ID4: variants seen among roughly 807,000 people sequenced by gnomAD.
ID4 encodes DNA-binding protein inhibitor ID-4.
Under a neutral mutation model 8.6 loss-of-function variants are expected in ID4, and 9 were observed. That is an observed-to-expected ratio of 1.04 (90% confidence interval 0.63 to 1.82). ID4 has a LOEUF of 1.82. Among genes scored for constraint, ID4 ranks in the 40% most tolerant of loss-of-function variants. The pLI is 0.00. For synonymous variants in ID4, 180 were observed against 118.0 expected (o/e 1.53, Z -3.41); for missense variants, 270 against 235.1 (o/e 1.15, Z -0.97).
At position 19,838,576 on chromosome 6, in the gene ID4, T is replaced by C. The variant is rs1761282490; in HGVS notation, c.442-8T>C. ...AACCTTTCCCTTGGTGTTCGGTTGCTGTTCCAGGCCGGCGCGGTGAACAAG... is the reference window on the plus strand; with the variant it reads ...AACCTTTCCCTTGGTGTTCGGTTGCCGTTCCAGGCCGGCGCGGTGAACAAG... On this transcript the variant is annotated splice_region_variant and splice_polypyrimidine_tract_variant and intron_variant, in intron 1 of 2. Transcript: ENST00000378700. 5.6e-6 allele frequency: 9 copies of C among 1,613,976 alleles called. No individual in the cohort carries two copies. The highest frequency in any genetic ancestry group is 6.8e-6 in the Non-Finnish European group (8 of 1,179,872).
chr6:19,838,535 G>A (rs757719263), intron 1 of ID4, 49 bp from the exon 2 acceptor site: 1 of 1,613,160 alleles, frequency 6.2e-7, no homozygotes, highest in East Asian at 2.2e-5. Context: ...TGTCGAGCGC[G>A]TTGTTTGCGC....
rs897476628 is a variant in ID4, at chr6:19,840,373, G to GAA, written c.*1184_*1185dup. ...TACAGATTATTTAAATCATGGAAAT[G>GAA]AAAAAAATGTTCTCTGCTTGCTACC... On this transcript the variant is annotated 3_prime_UTR_variant, in exon 3 of 3. Coordinates refer to ENST00000378700, the MANE Select transcript of ID4 (RefSeq NM_001546.4). 6 of 152,332 alleles carry GAA rather than the reference G, an allele frequency of 3.9e-5. No homozygotes were observed. Among genetic ancestry groups the GAA allele is most frequent in the African/African-American group, 1.4e-4 (6 of 41,384 alleles). 9.4% of individuals were successfully genotyped at this position (152,332 alleles called of 1,614,324 possible). A position where few individuals can be genotyped will look rare whatever the true frequency, so the allele number is the denominator to read the frequency against.
rs1761320465 is a variant in ID4 at position 19,839,799 on chromosome 6, T to C, written c.*604T>C. On this transcript the variant is annotated 3_prime_UTR_variant, in exon 3 of 3. Coordinates refer to ENST00000378700, the MANE Select transcript of ID4 (RefSeq NM_001546.4). ...TAATAGATACTGTAATTATAAGATA[T>C]TTTTAATTAAATATTTTTTTGTAAA... 6.6e-6 allele frequency: 1 copy of C among 152,292 alleles called. No homozygotes were observed. Among genetic ancestry groups the C allele is most frequent in the Non-Finnish European group, 1.5e-5 (1 of 68,000 alleles). The allele number at this position is 152,292 out of a possible 1,614,324, so 9.4% of individuals were successfully genotyped here.
intron 1 of ID4, 53 bp from the exon 2 acceptor site, chr6:19,838,531 G>A (rs1761280754): frequency 6.2e-7 from 1 of 1,611,998 alleles, no homozygotes; most frequent in East Asian, 2.2e-5. Flanking sequence ...ACCGTGTCGA[G>A]CGCGTTGTTT....
chr6:19,839,402 C>G lies in ID4; in HGVS notation c.*207C>G, dbSNP rs2113466467. 6.5e-6 allele frequency: 1 copy of G among 152,760 alleles called. No individual in the cohort carries two copies. Among genetic ancestry groups the G allele is most frequent in the South Asian group, 2.1e-4 (1 of 4,818 alleles). The allele number at this position is 152,760 out of a possible 1,614,324, so 9.5% of individuals were successfully genotyped here. On this transcript the variant is annotated 3_prime_UTR_variant, in exon 3 of 3. Transcript: ENST00000378700. ...CTTTCTTTGCACGTTCATAAACATT[C>G]TACATACGTATTCTCTTTTGTCTCT...
At position 19,839,617 on chromosome 6, in the gene ID4, T is replaced by C. The variant is rs1035072099; in HGVS notation, c.*422T>C. 1 of 88,854 alleles carries C rather than the reference T, an allele frequency of 1.1e-5. No individual in the cohort carries two copies. Among genetic ancestry groups the C allele is most frequent in the East Asian group, 3.9e-4 (1 of 2,574 alleles). 5.5% of individuals were successfully genotyped at this position (88,854 alleles called of 1,614,324 possible). The stretch of plus-strand genomic sequence containing the variant: ...CTAATCTACCAGAGCATTGTAGATA[T>C]TTTTTTTTTACATCTATTGTTTAAA... On this transcript the variant is annotated 3_prime_UTR_variant, in exon 3 of 3. Transcript: ENST00000378700.
chr6:19,838,488 G>A, intron 1 of ID4, 96 bp from the exon 2 acceptor site: 2 of 1,537,052 alleles, frequency 1.3e-6, no homozygotes, highest in Non-Finnish European at 1.8e-6. Context: ...GGGGGCGTCG[G>A]CGCGCCAGCC....
rs1761241326 is a variant in ID4, at chr6:19,837,512, C to T, written c.-243C>T. The T allele has an allele frequency of 1.1e-5, 2 of 176,654 alleles. No individual in the cohort carries two copies. Among genetic ancestry groups the T allele is most frequent in the Non-Finnish European group, 2.2e-5 (2 of 89,780 alleles). The allele number at this position is 176,654 out of a possible 1,614,324, so 10.9% of individuals were successfully genotyped here. ...ACACCCGGGTGGGCTACTTTTCTTC[C>T]GGTGCTTTTGCTTTTTTTTTCCTTT... On this transcript the variant is annotated 5_prime_UTR_variant, in exon 1 of 3. Transcript: ENST00000378700.
In ID4 at chr6:19,838,165, G is replaced by A; in HGVS notation, c.411G>A (p.Arg137=). The A allele has an allele frequency of 1.3e-6, 2 of 1,505,022 alleles. No individual in the cohort carries two copies. Among genetic ancestry groups the A allele is most frequent in the Non-Finnish European group, 8.9e-7 (1 of 1,126,440 alleles). The allele number at this position is 1,505,022 out of a possible 1,614,324, so 93.2% of individuals were successfully genotyped here. A position where few individuals can be genotyped will look rare whatever the true frequency, so the allele number is the denominator to read the frequency against. The stretch of plus-strand genomic sequence containing the variant: ...GGACCTGTCCAGCCGCGCCGCCGCG[G>A]ACCCCGCTCACTGCGCTCAACACCG... ...PAGTCPAAPP[R]TPLTALNTDP... The change falls in exon 1 of 3, where the codon CGG becomes CGA. Residue 137 remains arginine (R), a synonymous_variant. Coordinates refer to ENST00000378700, the MANE Select transcript of ID4 (RefSeq NM_001546.4).
rs1761263808 is a variant in ID4 at position 19,838,098 on chromosome 6, T to A, written c.344T>A (p.Leu115Gln). Reference sequence around the variant, plus strand: ...GCGCTGGAGACGCACCCGGCCCTGCTGAGGCAGCCACCACCGCCCGCGCCG... The same window carrying A: ...GCGCTGGAGACGCACCCGGCCCTGCAGAGGCAGCCACCACCGCCCGCGCCG... ...QLALETHPAL[L>Q]RQPPPPAPPH... The change falls in exon 1 of 3, where the codon CTG becomes CAG. Residue 115 changes from leucine (L) to glutamine (Q), a missense_variant. This residue lies in a region of ID4 where 107 missense variants were observed against 81.0 expected (regional missense o/e 1.32). Transcript: ENST00000378700. 1.9e-6 allele frequency: 3 copies of A among 1,600,262 alleles called. No homozygotes were observed. Among genetic ancestry groups the A allele is most frequent in the Non-Finnish European group, 2.6e-6 (3 of 1,174,096 alleles).
At position 19,840,286 on chromosome 6, in the gene ID4, A is replaced by G. The variant is rs1168087205; in HGVS notation, c.*1091A>G. On this transcript the variant is annotated 3_prime_UTR_variant, in exon 3 of 3. Coordinates refer to ENST00000378700, the MANE Select transcript of ID4 (RefSeq NM_001546.4). ...AAATCTGCTGTTTTATCAAAGTGAA[A>G]AAAAATTGCTTATTACTCTTCATTT... 2 of 152,600 alleles carry G rather than the reference A, an allele frequency of 1.3e-5. No individual in the cohort carries two copies. Among genetic ancestry groups the G allele is most frequent in the East Asian group, 3.8e-4 (2 of 5,198 alleles). 9.5% of individuals were successfully genotyped at this position (152,600 alleles called of 1,614,324 possible). A position where few individuals can be genotyped will look rare whatever the true frequency, so the allele number is the denominator to read the frequency against.
In ID4 at chr6:19,839,406, A is replaced by G. The variant is rs934319470; in HGVS notation, c.*211A>G. 3.9e-5 allele frequency: 6 copies of G among 152,670 alleles called. No individual in the cohort carries two copies. The highest frequency in any genetic ancestry group is 1.9e-4 in the East Asian group (1 of 5,194). The allele number at this position is 152,670 out of a possible 1,614,324, so 9.5% of individuals were successfully genotyped here. On this transcript the variant is annotated 3_prime_UTR_variant, in exon 3 of 3. Transcript: ENST00000378700. ...CTTTGCACGTTCATAAACATTCTAC[A>G]TACGTATTCTCTTTTGTCTCTTCAT...
Position 19,841,703 on chromosome 6 carries a change from G to T in ID4, c.*2508G>T, listed in dbSNP as rs1208845834. ...ATGTATCTAAAGAAACAAAGTCATTGTTTATTTTTTAAAAAATTATATGCA... is the reference window on the plus strand; with the variant it reads ...ATGTATCTAAAGAAACAAAGTCATTTTTTATTTTTTAAAAAATTATATGCA... On this transcript the variant is annotated 3_prime_UTR_variant, in exon 3 of 3. Coordinates refer to ENST00000378700, the MANE Select transcript of ID4 (RefSeq NM_001546.4). Among the ~76,000 whole-genome samples the T allele has an allele frequency of 6.6e-6, 1 of 152,128 alleles. No homozygotes were observed. Among genetic ancestry groups the T allele is most frequent in the Non-Finnish European group, 1.5e-5 (1 of 68,014 alleles).
In ID4 at chr6:19,841,694, A is replaced by G. The variant is rs1761361672; in HGVS notation, c.*2499A>G. Reference sequence around the variant, plus strand: ...CAGCATTTGATGTATCTAAAGAAACAAAGTCATTGTTTATTTTTTAAAAAA... The same window carrying G: ...CAGCATTTGATGTATCTAAAGAAACGAAGTCATTGTTTATTTTTTAAAAAA... On this transcript the variant is annotated 3_prime_UTR_variant, in exon 3 of 3. Transcript: ENST00000378700. Among the ~76,000 whole-genome samples the G allele has an allele frequency of 6.6e-6, 1 of 152,232 alleles. No individual in the cohort carries two copies. Among genetic ancestry groups the G allele is most frequent in the South Asian group, 2.1e-4 (1 of 4,828 alleles).
chr6:19,838,965 C>T (rs954526870), intron 2 of ID4: 23 of 379,594 alleles, frequency 6.1e-5, no homozygotes, highest in South Asian at 4.5e-4. Flanking sequence ...GCCCCGGTGT[C>T]CTCCCGTGCA....
rs868670789 is a variant in ID4, at chr6:19,838,478, G to A, written c.442-106G>A. The A allele has an allele frequency of 6.4e-5, 94 of 1,462,922 alleles. 1 individual carries two copies. In the Middle Eastern group the frequency reaches 1.0e-3, roughly 16 times the overall value. The allele number at this position is 1,462,922 out of a possible 1,614,324, so 90.6% of individuals were successfully genotyped here. On this transcript the variant is annotated intron_variant, in intron 1 of 2. Coordinates refer to ENST00000378700, the MANE Select transcript of ID4 (RefSeq NM_001546.4). ...GGCCCCCCCGGCTACAGGCTGGGGT[G>A]GGGGCGTCGGCGCGCCAGCCTGATT...
chr6:19,838,817 C>T (rs1451605659), intron 2 of ID4, 175 bp downstream of exon 2: 15 of 599,026 alleles, frequency 2.5e-5, no homozygotes, highest in East Asian at 1.2e-4. Flanking sequence ...CCGTACTTAG[C>T]CTTAGAACTC....
At chr6:19,838,454 G>A in intron 1 of ID4, 130 bp from the exon 2 acceptor site, 2 of 1,274,476 alleles carry the variant, frequency 1.6e-6, no homozygotes, top group Non-Finnish European at 1.1e-6. Context: ...GCCCGGAGGG[G>A]CCCCCCCGGC....
chr6:19,838,910 C>T (rs1012523222), intron 2 of ID4: 76 of 526,622 alleles, frequency 1.4e-4, no homozygotes, highest in Non-Finnish European at 2.3e-4. Flanking sequence ...GCTCTTCTGC[C>T]TTCCCTAGTT....
Sources: allele counts gnomAD v4.1 joint callset (sites outside exome capture counted in the v4.1 genomes callset), GRCh38; gene constraint gnomAD v4.1.1; regional missense constraint gnomAD v4.1.1; transcripts MANE v1.5; gene names NCBI Gene and HGNC (gene_info 2026-07-23, HGNC 2026-07-21).